ME1: variants seen among roughly 807,000 people sequenced by gnomAD.
ME1 encodes the protein NADP-dependent malic enzyme.
Under a neutral mutation model 66.4 loss-of-function variants are expected in ME1, and 74 were observed. That is an observed-to-expected ratio of 1.11 (90% CI 0.92 to 1.35). The LOEUF (loss-of-function observed/expected upper bound fraction) is 1.35. Among genes scored for constraint, ME1 ranks in the 40% most tolerant of loss-of-function variants. The probability of loss-of-function intolerance (pLI) is 0.00; values close to 1 mark genes in which losing one functional copy is unlikely to be tolerated. For synonymous variants in ME1, 251 were observed against 235.6 expected, an observed-to-expected ratio of 1.07 and a Z score of -0.60; for missense variants, 750 against 694.1, an observed-to-expected ratio of 1.08 and a Z score of -0.90.
intron 6 of ME1, among the ~76,000 whole-genome samples, chr6:83,302,352 G>C (rs1338819229): frequency 1.3e-5 from 2 of 152,026 alleles, no homozygotes; most frequent in Non-Finnish European, 2.9e-5. Context: ...TAACTAACGA[G>C]TACTATGCTT....
intron 1 of ME1, among the ~76,000 whole-genome samples, chr6:83,420,559 C>G (rs1484177191): frequency 6.6e-6 from 1 of 152,162 alleles, no homozygotes. Context: ...AAAACCTAAT[C>G]CTAAATGATA....
chr6:83,278,256 G>T (rs1767225623), intron 6 of ME1, among the ~76,000 whole-genome samples: 1 of 152,092 alleles, frequency 6.6e-6, no homozygotes, highest in Non-Finnish European at 1.5e-5. Flanking sequence ...ATGAATTGCT[G>T]GAGACTCAGT....
Position 83,237,837 on chromosome 6 carries a change from G to T in ME1, c.913-7C>A. 5.3e-6 allele frequency: 8 copies of T among 1,515,050 alleles called. No individual in the cohort carries two copies. Among genetic ancestry groups the T allele is most frequent in the Non-Finnish European group, 7.2e-6 (8 of 1,112,782 alleles). 93.9% of individuals were successfully genotyped at this position (1,515,050 alleles called of 1,614,324 possible). A position where few individuals can be genotyped will look rare whatever the true frequency, so the allele number is the denominator to read the frequency against. On this transcript the variant is annotated splice_polypyrimidine_tract_variant and splice_region_variant and intron_variant, in intron 8 of 13. Coordinates refer to ENST00000369705, the MANE Select transcript of ME1 (RefSeq NM_002395.6). ...GTGCAATCCCTAGGGCAGCCTCAGT[G>T]ATGAAAAGAAAAAATTTTAAAGTTG...
intron 7 of ME1, among the ~76,000 whole-genome samples, chr6:83,247,240 A>G (rs1790640846): frequency 6.6e-6 from 1 of 152,130 alleles, no homozygotes; most frequent in Non-Finnish European, 1.5e-5. Context: ...TTTGTAGCTT[A>G]TTTTAAATGA....
At chr6:83,398,770 G>A (rs1225469771) in intron 2 of ME1, among the ~76,000 whole-genome samples, 4 of 152,006 alleles carry the variant, frequency 2.6e-5, no homozygotes, top group Non-Finnish European at 5.9e-5. Context: ...AGGAGTTCAA[G>A]ACCAGCCTGG....
At chr6:83,409,435 A>G (rs149983746) in intron 1 of ME1, among the ~76,000 whole-genome samples, 27 of 152,284 alleles carry the variant, frequency 1.8e-4, no homozygotes, top group Non-Finnish European at 2.9e-4. Flanking sequence ...GGGAAAGGAG[A>G]GACAATTCGG....
intron 5 of ME1, among the ~76,000 whole-genome samples, chr6:83,333,223 C>T (rs1324730385): frequency 6.6e-6 from 1 of 152,128 alleles, no homozygotes; most frequent in East Asian, 1.9e-4. Context: ...TATTATCAAG[C>T]AGTTTCTATA....
At chr6:83,315,472 C>T in intron 5 of ME1, 59 bp from the exon 6 acceptor site, 2 of 1,003,950 alleles carry the variant, frequency 2.0e-6, no homozygotes, top group East Asian at 2.4e-5. Flanking sequence ...TTTATTGAGC[C>T]TCAGTTTCTT....
chr6:83,308,979 C>T (rs1440612673), intron 6 of ME1, among the ~76,000 whole-genome samples: 1 of 151,804 alleles, frequency 6.6e-6, no homozygotes, highest in Non-Finnish European at 1.5e-5. Flanking sequence ...GTCAAGTAGA[C>T]AGAAAGACAA....
intron 7 of ME1, among the ~76,000 whole-genome samples, chr6:83,250,177 T>C (rs1051017135): frequency 5.4e-5 from 8 of 148,184 alleles, no homozygotes; most frequent in African/African-American, 2.1e-4. Context: ...CTTTCAGATC[T>C]GTTTTTTTTT....
chr6:83,225,683 G>A (rs1344554126), intron 11 of ME1, among the ~76,000 whole-genome samples: 2 of 151,852 alleles, frequency 1.3e-5, no homozygotes, highest in African/African-American at 2.4e-5. Context: ...TTTCAGACAA[G>A]TCTGATACCT....
chr6:83,371,472 A>G (rs1387067173), intron 3 of ME1, among the ~76,000 whole-genome samples: 5 of 152,222 alleles, frequency 3.3e-5, no homozygotes, highest in Admixed American at 1.3e-4. Context: ...GAATAGGCCT[A>G]TATAAACCTA....
chr6:83,216,916 G>T (rs1425271310), intron 12 of ME1, among the ~76,000 whole-genome samples: 1 of 152,136 alleles, frequency 6.6e-6, no homozygotes, highest in African/African-American at 2.4e-5. Context: ...GAAAAGAAAA[G>T]AAAGAAAGAG....
chr6:83,264,365 C>T (rs183946838), intron 6 of ME1, among the ~76,000 whole-genome samples: 17 of 152,216 alleles, frequency 1.1e-4, no homozygotes, highest in African/African-American at 3.9e-4. Flanking sequence ...TTCATGCCTG[C>T]GAACACAACA....
At chr6:83,228,018 A>G (rs1790231151) in intron 10 of ME1, among the ~76,000 whole-genome samples, 1 of 152,244 alleles carries the variant, frequency 6.6e-6, no homozygotes. Flanking sequence ...CACTTAGTAA[A>G]GTTCCTGTCA....
chr6:83,346,305 A>C lies in ME1; in HGVS notation c.468T>G (p.Ile156Met). 1 of 1,611,876 alleles carries C rather than the reference A, an allele frequency of 6.2e-7. No individual in the cohort carries two copies. The highest frequency in any genetic ancestry group is 8.5e-7 in the Non-Finnish European group (1 of 1,178,704). ...TACAGCCAAGGTCTCCCAAGCCAAG[A>C]ATACGCTCTCCATCAGTCACCACAA... The part of the protein sequence containing the change: ...KAIVVTDGER[I>M]LGLGDLGCNG... Residue 156 changes from isoleucine to methionine, a missense_variant, in exon 5 of 14, where the codon ATT (isoleucine) becomes ATG (methionine). Physicochemically the swap from Ile to Met is conservative, Grantham distance 10 (BLOSUM62 1). Coordinates refer to ENST00000369705, the MANE Select transcript of ME1 (RefSeq NM_002395.6).
chr6:83,363,437 C>T (rs1242271653), intron 3 of ME1, among the ~76,000 whole-genome samples: 1 of 152,144 alleles, frequency 6.6e-6, no homozygotes, highest in Admixed American at 6.5e-5. Flanking sequence ...TCATGGAATA[C>T]AAGAGATCCA....
intron 3 of ME1, among the ~76,000 whole-genome samples, chr6:83,353,865 C>G (rs1262504986): frequency 2.0e-5 from 3 of 152,246 alleles, no homozygotes; most frequent in Admixed American, 6.5e-5. Flanking sequence ...AGAAAGTGGT[C>G]AGGCAAAGGT....
intron 6 of ME1, among the ~76,000 whole-genome samples, chr6:83,266,828 T>G (rs963582391): frequency 3.3e-5 from 5 of 152,204 alleles, no homozygotes; most frequent in African/African-American, 1.2e-4. Context: ...AGAATTCTAC[T>G]GGCAGAGTCT....
Sources: allele counts gnomAD v4.1 joint callset (sites outside exome capture counted in the v4.1 genomes callset), GRCh38; gene constraint gnomAD v4.1.1; transcripts MANE v1.5; gene names NCBI Gene and HGNC (gene_info 2026-07-23, HGNC 2026-07-21).